The following PROM1 variants were observed in gnomAD, a reference collection of about 807,000 sequenced individuals.
PROM1 encodes prominin-1.
Under a neutral mutation model 116.9 loss-of-function variants are expected in PROM1, and 105 were observed. The observed-to-expected ratio is 0.90, with a 90% CI of 0.77 to 1.06. The LOEUF is 1.06. PROM1 is among the 50% of genes least tolerant of loss of function. The pLI is 0.00. For synonymous variants in PROM1, 393 were observed against 387.0 expected (o/e 1.02, Z -0.18); for missense variants, 1,122 against 1,045.2 (o/e 1.07, Z -1.01).
chr4:16,022,578 T>A (rs901224256), intron 8 of PROM1, among the ~76,000 whole-genome samples: 2 of 148,698 alleles, frequency 1.3e-5, no homozygotes, highest in Non-Finnish European at 1.5e-5. Flanking sequence ...CTCTTCTTTA[T>A]GGACTATGTT....
At chr4:15,971,658 T>C (rs1714584176) in intron 26 of PROM1, 1 of 152,246 alleles carries the variant, frequency 6.6e-6, no homozygotes, top group Admixed American at 6.5e-5. Context: ...GTGAACTCCA[T>C]CTGGAAGGTC....
Position 16,012,867 on chromosome 4 carries a change from T to C in PROM1, c.1141+408A>G, listed in dbSNP as rs569438391. Among the ~76,000 whole-genome samples, 8 of 100,058 alleles carry C rather than the reference T, an allele frequency of 8.0e-5. No homozygotes were observed. In the East Asian group the frequency reaches 2.3e-3, roughly 29 times the overall value. The allele number at this position is 100,058 out of a possible 152,430, so 65.6% of individuals were successfully genotyped here. ...GCCTGAGCGACAGAGCGAGACTCTG[T>C]CTCAAAAAAAAAAAAAAAAAAAAAC... On this transcript the variant is annotated intron_variant, in intron 11 of 27. Coordinates refer to ENST00000447510, the MANE Select transcript of PROM1 (RefSeq NM_006017.3).
chr4:16,060,989 A>G (rs1422504335), intron 2 of PROM1, among the ~76,000 whole-genome samples: 1 of 152,212 alleles, frequency 6.6e-6, no homozygotes, highest in Non-Finnish European at 1.5e-5. Context: ...CTCATGTCAC[A>G]GTTGTCCCTT....
At chr4:16,013,692 CA>C (rs1453990456) in intron 10 of PROM1, among the ~76,000 whole-genome samples, 1 of 152,106 alleles carries the variant, frequency 6.6e-6, no homozygotes, top group Non-Finnish European at 1.5e-5. Flanking sequence ...GTATGTTTGG[CA>C]AAGTCTGGAG....
rs191991203 is a variant in PROM1, at chr4:16,067,510, G to T, written c.220+8177C>A. On this transcript the variant is annotated intron_variant, in intron 2 of 27. Transcript: ENST00000447510. ...CCTGAAAGCGGGCACACAGTGAGTG[G>T]TGCTTGCCATTCTGACTGTTAGGAT... Among the ~76,000 whole-genome samples the T allele has an allele frequency of 1.8e-3, 269 of 152,340 alleles. 1 individual carries two copies. Among genetic ancestry groups the T allele is most frequent in the Middle Eastern group, 3.4e-3 (1 of 294 alleles).
intron 2 of PROM1, among the ~76,000 whole-genome samples, chr4:16,049,419 T>G (rs780237120): frequency 2.2e-4 from 33 of 152,206 alleles, no homozygotes; most frequent in Non-Finnish European, 3.1e-4. Flanking sequence ...ATGATTTTCC[T>G]TATATATAGT....
At chr4:15,993,963 G>T in intron 16 of PROM1, 24 bp downstream of exon 16, 1 of 1,607,800 alleles carries the variant, frequency 6.2e-7, no homozygotes, top group South Asian at 1.1e-5. Context: ...GTGTTATGTC[G>T]ATTCCATGAC....
At chr4:16,006,823 G>C (rs1725624083) in intron 12 of PROM1, 133 bp from the exon 13 acceptor site, 2 of 875,704 alleles carry the variant, frequency 2.3e-6, no homozygotes, top group African/African-American at 1.7e-5. Context: ...CAATTCCTCA[G>C]AGGACAATAA....
At chr4:16,006,438 C>T (rs372751335) in intron 13 of PROM1, 100 bp downstream of exon 13, 3 of 1,365,678 alleles carry the variant, frequency 2.2e-6, no homozygotes, top group South Asian at 1.6e-5. Context: ...ACCCCGCGTA[C>T]GTGGCCCAGA....
intron 27 of PROM1, among the ~76,000 whole-genome samples, chr4:15,970,548 C>CTG (rs1297450237): frequency 1.3e-5 from 2 of 151,484 alleles, no homozygotes; most frequent in Admixed American, 6.6e-5. Flanking sequence ...CACATACTCA[C>CTG]TGTGTGTGTG....
At chr4:16,065,988 C>A (rs143284366) in intron 2 of PROM1, among the ~76,000 whole-genome samples, 90 of 152,308 alleles carry the variant, frequency 5.9e-4, no homozygotes, top group African/African-American at 2.1e-3. Flanking sequence ...CCTGTGAAGA[C>A]AGGCAGAGAT....
chr4:15,984,335 C>T lies in PROM1; in HGVS notation c.2301G>A (p.Ser767=), dbSNP rs376589328. ...IEFSISEKVA[S]CKPVATALDT... ...CTAGAGCGGTGGCCACAGGTTTGCACGATGCCACTTTCTCACTGATCTAGG... is the reference window on the plus strand; with the variant it reads ...CTAGAGCGGTGGCCACAGGTTTGCATGATGCCACTTTCTCACTGATCTAGG... Residue 767 remains serine (S), a synonymous_variant, in exon 23 of 28, where the codon TCG becomes TCA. Transcript: ENST00000447510. 51 of 1,598,028 alleles carry T rather than the reference C, an allele frequency of 3.2e-5. No homozygotes were observed. Among genetic ancestry groups the T allele is most frequent in the East Asian group, 6.7e-5 (3 of 44,544 alleles).
intron 22 of PROM1, among the ~76,000 whole-genome samples, 158 bp from the exon 23 acceptor site, chr4:15,984,513 A>G (rs534723572): frequency 3.3e-5 from 5 of 152,224 alleles, no homozygotes; most frequent in Non-Finnish European, 7.4e-5. Flanking sequence ...GATACCAGCT[A>G]GTACCGGTCC....
chr4:15,971,195 C>A, intron 26 of PROM1, 113 bp from the exon 27 acceptor site: 1 of 787,510 alleles, frequency 1.3e-6, no homozygotes, highest in Non-Finnish European at 2.0e-6. Flanking sequence ...GAATATAAAC[C>A]ACACCTCATA....
chr4:16,080,985 C>G (rs1178664080), intron 1 of PROM1, among the ~76,000 whole-genome samples: 1 of 151,972 alleles, frequency 6.6e-6, no homozygotes, highest in Non-Finnish European at 1.5e-5. Context: ...CTTGCTGCCA[C>G]TTACCTAAGC....
intron 1 of PROM1, among the ~76,000 whole-genome samples, chr4:16,077,256 G>A (rs1051058760): frequency 3.9e-5 from 6 of 152,376 alleles, no homozygotes; most frequent in African/African-American, 2.4e-5. Flanking sequence ...AGGGCTGGAG[G>A]TGGGACATGC....
In PROM1 at chr4:16,009,054, C is replaced by T. The variant is rs201690959; in HGVS notation, c.1196G>A (p.Arg399His). Residue 399 changes from arginine to histidine, a missense_variant, in exon 12 of 28, where the codon CGT (arginine) becomes CAT (histidine). Transcript: ENST00000447510. ...TGAGAGTATATCCTGAATAGGAAGA[C>T]GCTGAGTTACATTGTCGATATCTGA... ...IGSDIDNVTQRLPIQDILSAF... is the reference protein window; with the variant it reads ...IGSDIDNVTQHLPIQDILSAF... 1.6e-4 allele frequency: 257 copies of T among 1,609,896 alleles called. No homozygotes were observed. The highest frequency in any genetic ancestry group is 7.9e-4 in the African/African-American group (59 of 74,894).
intron 12 of PROM1, among the ~76,000 whole-genome samples, chr4:16,008,254 T>A (rs888200510): frequency 5.9e-5 from 9 of 152,264 alleles, no homozygotes; most frequent in African/African-American, 2.2e-4. Context: ...TAATACATGA[T>A]CCTCTAAATT....
intron 23 of PROM1, among the ~76,000 whole-genome samples, chr4:15,981,249 C>A (rs1333599299): frequency 6.7e-6 from 1 of 150,296 alleles, no homozygotes; most frequent in Non-Finnish European, 1.5e-5. Context: ...GCGTGAGCCA[C>A]CGCGCCTGGC....
Sources: allele counts gnomAD v4.1 joint callset (sites outside exome capture counted in the v4.1 genomes callset), GRCh38; gene constraint gnomAD v4.1.1; transcripts MANE v1.5; gene names NCBI Gene and HGNC (gene_info 2026-07-23, HGNC 2026-07-21).